PDGFD: variants seen among roughly 807,000 people sequenced by gnomAD.
PDGFD encodes the protein platelet derived growth factor D, also known as platelet-derived growth factor D.
Under a neutral mutation model 44.7 loss-of-function variants are expected in PDGFD, and 30 were observed. The observed-to-expected ratio is 0.67, with a 90% confidence interval of 0.50 to 0.91. The LOEUF (loss-of-function observed/expected upper bound fraction) is 0.91. PDGFD is among the 40% of genes least tolerant of loss of function. The pLI, the probability that PDGFD is intolerant of heterozygous loss-of-function variation, is 0.00. For synonymous variants in PDGFD, 173 were observed against 168.4 expected (o/e 1.03, Z -0.21); for missense variants, 445 against 457.8 (o/e 0.97, Z 0.25).
intron 1 of PDGFD, among the ~76,000 whole-genome samples, chr11:104,129,295 T>A: frequency 6.6e-6 from 1 of 152,002 alleles, no homozygotes; most frequent in East Asian, 1.9e-4. Context: ...GGCAGCTATT[T>A]AGGCACCCTG....
intron 1 of PDGFD, among the ~76,000 whole-genome samples, chr11:104,078,129 C>T (rs1234949928): frequency 6.6e-6 from 1 of 152,200 alleles, no homozygotes; most frequent in Admixed American, 6.5e-5. Context: ...TCAGTGTCCT[C>T]TATTGACCAC....
rs71037206 is a variant in PDGFD at position 103,919,502 on chromosome 11, C to CTTTTTTT, written c.987+7403_987+7409dup. 6.9e-4 allele frequency among the ~76,000 whole-genome samples: 61 copies of CTTTTTTT among 88,760 alleles called. 1 individual carries two copies. The highest frequency in any genetic ancestry group is 2.7e-3 in the East Asian group (7 of 2,548). 58.2% of individuals were successfully genotyped at this position (88,760 alleles called of 152,430 possible). A position where few individuals can be genotyped will look rare whatever the true frequency, so the allele number is the denominator to read the frequency against. ...AATCATTAAGAGTTTAAGATTCTTC[C>CTTTTTTT]TTTTTTTTTTTTTTTTTTTTTTTGA... is the stretch of plus-strand genomic sequence containing the variant. On this transcript the variant is annotated intron_variant, in intron 6 of 6. Transcript: ENST00000393158.
chr11:104,076,125 G>T (rs1042245629), intron 1 of PDGFD, among the ~76,000 whole-genome samples: 2 of 152,112 alleles, frequency 1.3e-5, no homozygotes, highest in Admixed American at 6.6e-5. Context: ...CTATTGCTCA[G>T]CACTTCTCCT....
intron 3 of PDGFD, among the ~76,000 whole-genome samples, chr11:103,987,456 C>T (rs76443374): frequency 6.6e-6 from 1 of 152,124 alleles, no homozygotes; most frequent in Admixed American, 6.6e-5. Context: ...GACTTGTGAT[C>T]TTCCATGCAG....
chr11:103,937,260 T>C (rs536075424), intron 5 of PDGFD, among the ~76,000 whole-genome samples: 3 of 152,328 alleles, frequency 2.0e-5, no homozygotes, highest in African/African-American at 4.8e-5. Context: ...ATTTTGTTCA[T>C]ATTTTAATCA....
At chr11:104,002,615 A>G (rs1045617945) in intron 1 of PDGFD, among the ~76,000 whole-genome samples, 1 of 152,182 alleles carries the variant, frequency 6.6e-6, no homozygotes, top group Admixed American at 6.5e-5. Flanking sequence ...AGGTCTGAAC[A>G]CTGTTTTCTA....
At chr11:104,005,224 C>T (rs1328241586) in intron 1 of PDGFD, among the ~76,000 whole-genome samples, 1 of 152,168 alleles carries the variant, frequency 6.6e-6, no homozygotes, top group Non-Finnish European at 1.5e-5. Context: ...AGAGAGAGGT[C>T]TAGTATCTTG....
At chr11:104,091,504 A>G (rs1861212653) in intron 1 of PDGFD, among the ~76,000 whole-genome samples, 1 of 152,172 alleles carries the variant, frequency 6.6e-6, no homozygotes, top group South Asian at 2.1e-4. Flanking sequence ...TCAAAAATTG[A>G]TTTACATTGT....
chr11:104,158,634 C>G (rs181624943), intron 1 of PDGFD, among the ~76,000 whole-genome samples: 51 of 151,878 alleles, frequency 3.4e-4, no homozygotes, highest in African/African-American at 1.2e-3. Context: ...AGATCAAGAC[C>G]ATCCTGGCTA....
At chr11:104,075,594 A>G (rs1180076667) in intron 1 of PDGFD, among the ~76,000 whole-genome samples, 1 of 143,798 alleles carries the variant, frequency 7.0e-6, no homozygotes. Flanking sequence ...CCTGGGATCA[A>G]GCAATCCTCC....
At position 104,003,880 on chromosome 11, in the gene PDGFD, G is replaced by A. The variant is rs866139971; in HGVS notation, c.125-3625C>T. ...CTGGGAGTGGCAGATGACAGAAGGA[G>A]TGCCCACCTGGAGCAATGGCTGGGA... On this transcript the variant is annotated intron_variant, in intron 1 of 6. Coordinates refer to ENST00000393158, the MANE Select transcript of PDGFD (RefSeq NM_025208.5). Among the ~76,000 whole-genome samples the A allele has an allele frequency of 4.6e-5, 7 of 152,266 alleles. No homozygotes were observed. The Middle Eastern group carries it at 0.014, about 296-fold the overall frequency.
At chr11:104,111,053 T>C (rs1861547376) in intron 1 of PDGFD, among the ~76,000 whole-genome samples, 2 of 152,214 alleles carry the variant, frequency 1.3e-5, no homozygotes, top group South Asian at 2.1e-4. Context: ...GTGGTTATTA[T>C]GTAAAAGTAA....
Position 103,908,703 on chromosome 11 carries a change from T to C in PDGFD, c.*991A>G, listed in dbSNP as rs1857978789. ...GAGAGTTCGAATCCATTATTAGATATGGATCCTATCAAATATCCCACCTAA... is the reference window on the plus strand; with the variant it reads ...GAGAGTTCGAATCCATTATTAGATACGGATCCTATCAAATATCCCACCTAA... On this transcript the variant is annotated 3_prime_UTR_variant, in exon 7 of 7. Transcript: ENST00000393158. 1 of 152,200 alleles carries C rather than the reference T, an allele frequency of 6.6e-6. No individual in the cohort carries two copies. Among genetic ancestry groups the C allele is most frequent in the Admixed American group, 6.5e-5 (1 of 15,286 alleles). The allele number at this position is 152,200 out of a possible 1,614,324, so 9.4% of individuals were successfully genotyped here.
chr11:104,059,673 A>C (rs143586529), intron 1 of PDGFD, among the ~76,000 whole-genome samples: 33 of 152,254 alleles, frequency 2.2e-4, no homozygotes, highest in Middle Eastern at 6.8e-3. Context: ...CCTAAGGAAC[A>C]ACTAATCCTT....
intron 3 of PDGFD, among the ~76,000 whole-genome samples, chr11:103,993,153 G>A (rs962973952): frequency 2.0e-5 from 3 of 152,088 alleles, no homozygotes; most frequent in Non-Finnish European, 4.4e-5. Flanking sequence ...CTGCAGCCTT[G>A]ACCTTCTGGG....
chr11:104,099,649 A>G (rs1591163030), intron 1 of PDGFD, among the ~76,000 whole-genome samples: 1 of 146,290 alleles, frequency 6.8e-6, no homozygotes, highest in East Asian at 2.0e-4. Context: ...TAATAATAAT[A>G]ATAATAATAA....
chr11:103,926,215 T>G (rs1021920381), intron 6 of PDGFD, among the ~76,000 whole-genome samples: 16 of 152,178 alleles, frequency 1.1e-4, no homozygotes, highest in Non-Finnish European at 1.9e-4. Context: ...ATAGTGACAT[T>G]TTTACAATAT....
At chr11:103,975,131 A>G (rs998368006) in intron 3 of PDGFD, among the ~76,000 whole-genome samples, 8 of 152,122 alleles carry the variant, frequency 5.3e-5, no homozygotes, top group Admixed American at 6.5e-5. Context: ...AAGCATTCCT[A>G]TTTCTCCACA....
At chr11:103,964,667 G>T (rs1333661559) in intron 3 of PDGFD, among the ~76,000 whole-genome samples, 1 of 152,038 alleles carries the variant, frequency 6.6e-6, no homozygotes, top group Non-Finnish European at 1.5e-5. Context: ...AACCACTTTG[G>T]TTCCAGAGAC....
Sources: allele counts gnomAD v4.1 joint callset (sites outside exome capture counted in the v4.1 genomes callset), GRCh38; gene constraint gnomAD v4.1.1; transcripts MANE v1.5; gene names NCBI Gene and HGNC (gene_info 2026-07-23, HGNC 2026-07-21).